The following CDH8 variants were observed in gnomAD, a reference collection of about 807,000 sequenced individuals.
The protein encoded by CDH8 is cadherin-8.
CDH8 carries 17 observed loss-of-function variants against 68.1 expected under a neutral mutation model. The ratio of observed to expected loss-of-function variants is 0.25; its 90% CI spans 0.17 to 0.37. CDH8 has a LOEUF of 0.37. Among genes scored for constraint, CDH8 ranks in the 10% least tolerant of loss-of-function variants. The pLI, the probability that CDH8 is intolerant of heterozygous loss-of-function variation, is 1.00. For synonymous variants in CDH8, 372 were observed against 365.1 expected (o/e 1.02, Z -0.21); for missense variants, 763 against 999.3 (o/e 0.76, Z 3.19).
At chr16:61,969,183 A>G (rs1965300400) in intron 2 of CDH8, among the ~76,000 whole-genome samples, 1 of 152,220 alleles carries the variant, frequency 6.6e-6, no homozygotes, top group Non-Finnish European at 1.5e-5. Flanking sequence ...GAATGACTCA[A>G]AACAAATAGA....
chr16:61,652,171 T>C lies in CDH8; in HGVS notation c.*1437A>G, dbSNP rs972192419. 5.1e-6 allele frequency: 5 copies of C among 982,642 alleles called. No homozygotes were observed. In the South Asian group the frequency reaches 1.4e-4, roughly 28 times the overall value. The allele number at this position is 982,642 out of a possible 1,614,324, so 60.9% of individuals were successfully genotyped here. A position where few individuals can be genotyped will look rare whatever the true frequency, so the allele number is the denominator to read the frequency against. On this transcript the variant is annotated 3_prime_UTR_variant, in exon 12 of 12. Coordinates refer to ENST00000577390, the MANE Select transcript of CDH8 (RefSeq NM_001796.5). ...TTATCATACATTTTCTACTCCTAAATGGCAGGTTTGCATTACAAATTAAAT... is the reference window on the plus strand; with the variant it reads ...TTATCATACATTTTCTACTCCTAAACGGCAGGTTTGCATTACAAATTAAAT...
chr16:61,842,593 T>C (rs1461483504), intron 4 of CDH8, among the ~76,000 whole-genome samples: 2 of 152,186 alleles, frequency 1.3e-5, no homozygotes, highest in African/African-American at 4.8e-5. Flanking sequence ...AAGGCAGAAA[T>C]TCTATATGAA....
intron 10 of CDH8, among the ~76,000 whole-genome samples, chr16:61,673,464 A>G (rs987645155): frequency 2.0e-5 from 3 of 152,170 alleles, no homozygotes; most frequent in African/African-American, 4.8e-5. Flanking sequence ...AGATTTTTCT[A>G]AAATGAAAAT....
chr16:61,972,569 T>TCGGG (rs1555525993), intron 2 of CDH8, among the ~76,000 whole-genome samples: 22 of 98,192 alleles, frequency 2.2e-4, no homozygotes, highest in African/African-American at 8.3e-4. Context: ...GAACACATTG[T>TCGGG]GGGTGTGTGT....
intron 5 of CDH8, among the ~76,000 whole-genome samples, chr16:61,821,597 A>G (rs954717945): frequency 1.3e-5 from 2 of 152,030 alleles, no homozygotes; most frequent in Non-Finnish European, 2.9e-5. Context: ...ACCATTTTTG[A>G]TAAAATTCAA....
chr16:61,664,650 A>G (rs769638863), intron 10 of CDH8, among the ~76,000 whole-genome samples: 6 of 152,052 alleles, frequency 3.9e-5, no homozygotes, highest in Non-Finnish European at 5.9e-5. Flanking sequence ...GACTCATATC[A>G]TGAAACATGA....
intron 10 of CDH8, among the ~76,000 whole-genome samples, chr16:61,699,666 C>T (rs560144624): frequency 7.2e-5 from 11 of 152,200 alleles, no homozygotes; most frequent in Admixed American, 3.9e-4. Flanking sequence ...CCACTGCCTC[C>T]TGGGTTCAAG....
rs535841293 is a variant in CDH8 at position 62,026,291 on chromosome 16, C to G, written c.-199-4689G>C. On this transcript the variant is annotated intron_variant, in intron 1 of 11. Coordinates refer to ENST00000577390, the MANE Select transcript of CDH8 (RefSeq NM_001796.5). The stretch of plus-strand genomic sequence containing the variant: ...AAATATTAACGTGCATCCAAATTAC[C>G]TGGAAATCTTGTTTAAACACAGATT... Among the ~76,000 whole-genome samples, 3 of 152,310 alleles carry G rather than the reference C, an allele frequency of 2.0e-5. No homozygotes were observed. The East Asian group carries it at 5.8e-4, about 29-fold the overall frequency.
At chr16:61,848,438 C>A (rs1204223657) in intron 4 of CDH8, among the ~76,000 whole-genome samples, 1 of 152,068 alleles carries the variant, frequency 6.6e-6, no homozygotes, top group Non-Finnish European at 1.5e-5. Flanking sequence ...TCCAAAGGTG[C>A]AAATAACATG....
chr16:61,841,475 A>C (rs1962682092), intron 4 of CDH8, among the ~76,000 whole-genome samples: 1 of 152,216 alleles, frequency 6.6e-6, no homozygotes, highest in Non-Finnish European at 1.5e-5. Flanking sequence ...TCTACAAATC[A>C]AAACAATTGA....
At chr16:61,990,628 ATAGCAAGACCCTGTGTC>A (rs1965698270) in intron 2 of CDH8, among the ~76,000 whole-genome samples, 1 of 152,148 alleles carries the variant, frequency 6.6e-6, no homozygotes, top group African/African-American at 2.4e-5. Flanking sequence ...CCTGATAAGT[ATAGCAAGACCCTGTGTC>A]TACAAAAATT....
At chr16:61,793,282 T>C (rs1342763396) in intron 7 of CDH8, among the ~76,000 whole-genome samples, 2 of 151,944 alleles carry the variant, frequency 1.3e-5, no homozygotes, top group East Asian at 3.9e-4. Context: ...CAGAGTTACA[T>C]GTGCAGGATG....
intron 10 of CDH8, among the ~76,000 whole-genome samples, chr16:61,663,998 T>G (rs1963619745): frequency 6.6e-6 from 1 of 152,062 alleles, no homozygotes; most frequent in Admixed American, 6.6e-5. Context: ...GTTTAGCCTC[T>G]GTCTTGTTCT....
At chr16:61,919,417 A>G (rs1204933875) in intron 2 of CDH8, among the ~76,000 whole-genome samples, 1 of 146,848 alleles carries the variant, frequency 6.8e-6, no homozygotes, top group Non-Finnish European at 1.5e-5. Context: ...GAAACTTTGA[A>G]AAAAATTTAG....
At chr16:61,977,681 G>A (rs1413250514) in intron 2 of CDH8, among the ~76,000 whole-genome samples, 1 of 152,142 alleles carries the variant, frequency 6.6e-6, no homozygotes, top group African/African-American at 2.4e-5. Context: ...TTCCTTATAT[G>A]TAAGTCAAGG....
chr16:61,928,339 A>T (rs779451026), intron 2 of CDH8, among the ~76,000 whole-genome samples: 1 of 152,190 alleles, frequency 6.6e-6, no homozygotes, highest in Non-Finnish European at 1.5e-5. Context: ...AAGGAATTCT[A>T]TTACATAATG....
chr16:61,675,942 G>A (rs1963899664), intron 10 of CDH8, among the ~76,000 whole-genome samples: 1 of 151,204 alleles, frequency 6.6e-6, no homozygotes, highest in Non-Finnish European at 1.5e-5. Context: ...ATAAAATTGA[G>A]CACAAAAATA....
chr16:61,749,458 A>ATAT (rs1284012541), intron 8 of CDH8, among the ~76,000 whole-genome samples: 1 of 152,086 alleles, frequency 6.6e-6, no homozygotes, highest in Non-Finnish European at 1.5e-5. Context: ...TGGTAAGCAA[A>ATAT]TATTACAGTT....
At chr16:61,706,717 T>C (rs546997072) in intron 10 of CDH8, among the ~76,000 whole-genome samples, 1 of 133,786 alleles carries the variant, frequency 7.5e-6, no homozygotes, top group Non-Finnish European at 1.6e-5. Flanking sequence ...TAACGGAAAA[T>C]AAAGTTAGGA....
Sources: gnomAD v4.1 joint callset for allele counts (sites outside exome capture counted in the v4.1 genomes callset) on GRCh38, gnomAD v4.1.1 for gene constraint, MANE v1.5 for transcripts, NCBI Gene and HGNC (gene_info 2026-07-23, HGNC 2026-07-21) for gene names.